PTPN4: variants seen among roughly 807,000 people sequenced by gnomAD.
PTPN4 encodes tyrosine-protein phosphatase non-receptor type 4.
A neutral mutation model predicts 135.5 loss-of-function variants in PTPN4; 49 were observed. That is an observed-to-expected ratio of 0.36 (90% CI 0.29 to 0.46). PTPN4 has a LOEUF of 0.46. PTPN4 is among the 20% of genes least tolerant of loss of function. The pLI is 1.00. For missense variants in PTPN4, 860 were observed against 1,101.0 expected (o/e 0.78, Z 3.10); for synonymous variants, 333 against 369.9 (o/e 0.90, Z 1.14).
chr2:119,927,205 C>T (rs951650865), intron 13 of PTPN4, among the ~76,000 whole-genome samples: 1 of 147,530 alleles, frequency 6.8e-6, no homozygotes, highest in Admixed American at 6.9e-5. Context: ...CCTCTGCCTT[C>T]TGGGTTCAAG....
chr2:119,918,000 G>A (rs187063743), intron 11 of PTPN4, among the ~76,000 whole-genome samples: 2 of 152,178 alleles, frequency 1.3e-5, no homozygotes, highest in Admixed American at 6.5e-5. Flanking sequence ...GGGTGAATAT[G>A]TATGCATCTT....
rs887238533 is a variant in PTPN4, at chr2:119,978,908, C to G, written c.*1838C>G. On this transcript the variant is annotated 3_prime_UTR_variant, in exon 27 of 27. Coordinates refer to ENST00000263708, the MANE Select transcript of PTPN4 (RefSeq NM_002830.4). ...AAATCAAGCTCCTAAACATTAATAG[C>G]CAAGATACCAAATAAATTATCATAT... is the stretch of plus-strand genomic sequence containing the variant. 1 of 151,730 alleles carries G rather than the reference C, an allele frequency of 6.6e-6. No individual in the cohort carries two copies. Among genetic ancestry groups the G allele is most frequent in the Admixed American group, 6.6e-5 (1 of 15,248 alleles). The allele number at this position is 151,730 out of a possible 1,614,324, so 9.4% of individuals were successfully genotyped here.
intron 1 of PTPN4, among the ~76,000 whole-genome samples, chr2:119,796,888 G>A (rs1463384200): frequency 6.7e-6 from 1 of 149,850 alleles, no homozygotes; most frequent in Non-Finnish European, 1.5e-5. Context: ...GTGTGTGTGT[G>A]TGTGTGTGTT....
At chr2:119,778,871 C>T (rs140204485) in intron 1 of PTPN4, among the ~76,000 whole-genome samples, 7 of 152,258 alleles carry the variant, frequency 4.6e-5, no homozygotes, top group East Asian at 1.9e-4. Context: ...CAGTGTTACG[C>T]ATTCCTGTTT....
chr2:119,963,351 G>A (rs756963047), intron 24 of PTPN4, among the ~76,000 whole-genome samples: 13 of 152,178 alleles, frequency 8.5e-5, no homozygotes, highest in Non-Finnish European at 1.6e-4. Flanking sequence ...TGTAGAGAGC[G>A]TCATGCTGCC....
intron 22 of PTPN4, among the ~76,000 whole-genome samples, chr2:119,959,779 G>A (rs981302328): frequency 1.3e-5 from 2 of 152,152 alleles, no homozygotes; most frequent in African/African-American, 4.8e-5. Context: ...CTAATAAAGA[G>A]TGCAAATAGT....
intron 9 of PTPN4, among the ~76,000 whole-genome samples, chr2:119,890,049 T>A (rs573955010): frequency 3.9e-5 from 6 of 152,332 alleles, no homozygotes; most frequent in African/African-American, 1.4e-4. Context: ...TAATGTTCAG[T>A]TTAAGTCCAA....
chr2:119,844,489 T>G (rs1162807334), intron 2 of PTPN4, among the ~76,000 whole-genome samples: 1 of 140,878 alleles, frequency 7.1e-6, no homozygotes, highest in Admixed American at 6.9e-5. Flanking sequence ...GCTCCTCACT[T>G]CTCAGACGGG....
intron 9 of PTPN4, among the ~76,000 whole-genome samples, chr2:119,893,882 C>G (rs1678277639): frequency 6.6e-6 from 1 of 151,308 alleles, no homozygotes; most frequent in South Asian, 2.1e-4. Context: ...GCAGTGATGG[C>G]CAAAGAGTGA....
At chr2:119,920,823 G>A (rs1261358305) in intron 12 of PTPN4, among the ~76,000 whole-genome samples, 3 of 152,116 alleles carry the variant, frequency 2.0e-5, no homozygotes, top group African/African-American at 7.2e-5. Flanking sequence ...AAGAAGCTCT[G>A]ATTAGTTTTA....
intron 2 of PTPN4, among the ~76,000 whole-genome samples, chr2:119,827,481 A>G (rs763255965): frequency 1.4e-4 from 21 of 152,214 alleles, no homozygotes; most frequent in Non-Finnish European, 2.6e-4. Context: ...CCCATTCTGA[A>G]TGAATGTGAA....
chr2:119,929,220 T>C (rs1460744418), intron 13 of PTPN4, among the ~76,000 whole-genome samples: 2 of 152,124 alleles, frequency 1.3e-5, no homozygotes, highest in Non-Finnish European at 2.9e-5. Context: ...GATAAGCTTT[T>C]CTGGGATTGT....
At chr2:119,941,194 A>T (rs1405539519) in intron 15 of PTPN4, among the ~76,000 whole-genome samples, 1 of 152,232 alleles carries the variant, frequency 6.6e-6, no homozygotes, top group African/African-American at 2.4e-5. Flanking sequence ...TTATAATGCA[A>T]GGTTTACCTA....
At chr2:119,831,495 T>G (rs1362552191) in intron 2 of PTPN4, among the ~76,000 whole-genome samples, 2 of 152,244 alleles carry the variant, frequency 1.3e-5, no homozygotes, top group Non-Finnish European at 2.9e-5. Context: ...GTAGAAACTT[T>G]TGAAATCAGG....
intron 2 of PTPN4, among the ~76,000 whole-genome samples, chr2:119,850,792 T>C (rs533246459): frequency 8.5e-5 from 13 of 152,380 alleles, no homozygotes; most frequent in African/African-American, 3.1e-4. Flanking sequence ...GTAGTTGTTA[T>C]GCTCAGGAGC....
chr2:119,867,148 T>C (rs1187240908), intron 3 of PTPN4, among the ~76,000 whole-genome samples: 23 of 152,164 alleles, frequency 1.5e-4, no homozygotes, highest in Admixed American at 1.5e-3. Context: ...ATTTGAGCAT[T>C]ACATGATATC....
chr2:119,967,087 A>C (rs1485583247), intron 25 of PTPN4, among the ~76,000 whole-genome samples: 1 of 152,240 alleles, frequency 6.6e-6, no homozygotes, highest in African/African-American at 2.4e-5. Context: ...CCTGATAACT[A>C]CTGCATTCGT....
At chr2:119,885,656 AGAG>A (rs982269820) in intron 8 of PTPN4, 136 bp from the exon 9 acceptor site, 2 of 475,914 alleles carry the variant, frequency 4.2e-6, no homozygotes, top group Admixed American at 3.9e-5. Flanking sequence ...CAGATAAGTT[AGAG>A]GAGTAGTCCT....
At chr2:119,900,836 TAC>T (rs1678391819) in intron 10 of PTPN4, 30 bp downstream of exon 10, 1 of 1,256,096 alleles carries the variant, frequency 8.0e-7, no homozygotes, top group Non-Finnish European at 1.1e-6. Context: ...CTTTTATGTT[TAC>T]CACTGTATTA....
Sources: allele counts gnomAD v4.1 joint callset (sites outside exome capture counted in the v4.1 genomes callset), GRCh38; gene constraint gnomAD v4.1.1; transcripts MANE v1.5; gene names NCBI Gene and HGNC (gene_info 2026-07-23, HGNC 2026-07-21).